The following NFAT5 variants were observed in gnomAD, a reference collection of about 807,000 sequenced individuals.
The protein encoded by NFAT5 is nuclear factor of activated T cells 5, also known as nuclear factor of activated T-cells 5.
In NFAT5, 31 loss-of-function variants were observed where a neutral mutation model predicts 166.5. That is an observed-to-expected ratio of 0.19 (90% CI 0.14 to 0.25). NFAT5 has a LOEUF of 0.25. Among genes scored for constraint, NFAT5 ranks in the 10% least tolerant of loss-of-function variants. The pLI is 1.00. For synonymous variants in NFAT5, 612 were observed against 639.7 expected (o/e 0.96, Z 0.65); for missense variants, 1,449 against 1,821.8 (o/e 0.80, Z 3.72).
intron 2 of NFAT5, among the ~76,000 whole-genome samples, chr16:69,585,300 C>T (rs71397982): frequency 2.0e-5 from 3 of 151,768 alleles, no homozygotes; most frequent in African/African-American, 4.9e-5. Flanking sequence ...TGAGCCACGG[C>T]GCCCAGCCCA....
intron 6 of NFAT5, among the ~76,000 whole-genome samples, chr16:69,656,607 C>T (rs1307284523): frequency 6.6e-6 from 1 of 152,038 alleles, no homozygotes. Context: ...CATCTGCCAC[C>T]ACACCCGGCT....
intron 2 of NFAT5, among the ~76,000 whole-genome samples, chr16:69,586,249 CTT>C (rs1039408486): frequency 2.5e-4 from 38 of 152,234 alleles, no homozygotes; most frequent in African/African-American, 9.1e-4. Context: ...GACCCAAAAT[CTT>C]TAGCTTTAGA....
intron 2 of NFAT5, among the ~76,000 whole-genome samples, chr16:69,612,110 A>G (rs1015399261): frequency 2.0e-5 from 3 of 152,346 alleles, no homozygotes; most frequent in Admixed American, 2.0e-4. Context: ...TAATATTAAA[A>G]TTAGAAGTTT....
At chr16:69,661,801 TG>T (rs2036157837) in intron 7 of NFAT5, among the ~76,000 whole-genome samples, 1 of 152,164 alleles carries the variant, frequency 6.6e-6, no homozygotes, top group Non-Finnish European at 1.5e-5. Flanking sequence ...ATAGTTACAG[TG>T]TGCCTAACTC....
intron 11 of NFAT5, among the ~76,000 whole-genome samples, chr16:69,686,952 C>T (rs1382992973): frequency 3.3e-5 from 5 of 152,026 alleles, no homozygotes; most frequent in Admixed American, 3.3e-4. Flanking sequence ...GCATTGACAC[C>T]AGCTTGATGT....
chr16:69,646,861 T>C, intron 3 of NFAT5, among the ~76,000 whole-genome samples, 167 bp from the exon 4 acceptor site: 1 of 152,252 alleles, frequency 6.6e-6, no homozygotes, highest in Non-Finnish European at 1.5e-5. Context: ...ATTCCATTTC[T>C]TAGGCCTTAT....
At chr16:69,618,901 A>G (rs750876523) in intron 2 of NFAT5, among the ~76,000 whole-genome samples, 1 of 152,198 alleles carries the variant, frequency 6.6e-6, no homozygotes, top group Non-Finnish European at 1.5e-5. Context: ...AGATTTTTAA[A>G]GCATTCCCAA....
chr16:69,641,036 T>C (rs575508381), intron 3 of NFAT5, among the ~76,000 whole-genome samples: 5 of 150,822 alleles, frequency 3.3e-5, no homozygotes, highest in Non-Finnish European at 7.4e-5. Flanking sequence ...TCCCAGCACT[T>C]TGAGAGGCCA....
chr16:69,644,470 G>A (rs745332790), intron 3 of NFAT5, among the ~76,000 whole-genome samples: 13 of 152,052 alleles, frequency 8.5e-5, no homozygotes, highest in Admixed American at 4.6e-4. Context: ...TCTTTAATAA[G>A]TATGCCCAGG....
rs2037659070 is a variant in NFAT5 at position 69,693,842 on chromosome 16, G to A, written c.4017G>A (p.Glu1339=). Reference sequence around the variant, plus strand: ...GTAACATGGCCCCAATGAATCAAGAGCAACAGCCCATGCAATTTCAGAGTC... The same window carrying A: ...GTAACATGGCCCCAATGAATCAAGAACAACAGCCCATGCAATTTCAGAGTC... ...QQSNMAPMNQ[E]QQPMQFQSQS... is the part of the protein sequence containing the mutation. The change falls in exon 13 of 15, where the codon GAG becomes GAA. Residue 1339 remains glutamate, a synonymous_variant. Coordinates refer to ENST00000349945, the MANE Select transcript of NFAT5 (RefSeq NM_138713.4). The A allele has an allele frequency of 1.2e-6, 2 of 1,614,044 alleles. No homozygotes were observed. Among genetic ancestry groups the A allele is most frequent in the South Asian group, 1.1e-5 (1 of 91,092 alleles).
intron 11 of NFAT5, 141 bp from the exon 12 acceptor site, chr16:69,690,799 A>G (rs1381926799): frequency 1.7e-6 from 1 of 582,422 alleles, no homozygotes. Flanking sequence ...ATATCTTAAT[A>G]TACCAGGTTT....
rs774947252 is a variant in NFAT5, at chr16:69,677,341, T to C, written c.1690+6T>C. The C allele has an allele frequency of 6.4e-7, 1 of 1,555,306 alleles. No homozygotes were observed. On this transcript the variant is annotated splice_donor_region_variant and intron_variant, in intron 10 of 14. Transcript: ENST00000349945. Reference sequence around the variant, plus strand: ...CACTTACACTCCAGACCCAGGTATGTCAAAATGAAAAATTCAGAACTAAAA... The same window carrying C: ...CACTTACACTCCAGACCCAGGTATGCCAAAATGAAAAATTCAGAACTAAAA...
chr16:69,575,847 G>A (rs1367327423), intron 2 of NFAT5, among the ~76,000 whole-genome samples: 1 of 151,996 alleles, frequency 6.6e-6, no homozygotes, highest in African/African-American at 2.4e-5. Context: ...AAAATCCTGC[G>A]ATGTAGTACC....
chr16:69,697,179 T>C lies in NFAT5; in HGVS notation c.*828T>C, dbSNP rs2037790181. 1 of 152,646 alleles carries C rather than the reference T, an allele frequency of 6.6e-6. No homozygotes were observed. Among genetic ancestry groups the C allele is most frequent in the Admixed American group, 6.5e-5 (1 of 15,276 alleles). The allele number at this position is 152,646 out of a possible 1,614,324, so 9.5% of individuals were successfully genotyped here. A position where few individuals can be genotyped will look rare whatever the true frequency, so the allele number is the denominator to read the frequency against. On this transcript the variant is annotated 3_prime_UTR_variant, in exon 15 of 15. Coordinates refer to ENST00000349945, the MANE Select transcript of NFAT5 (RefSeq NM_138713.4). Reference sequence around the variant, plus strand: ...GAATGTTTTCTTCTTAACCCAGTCTTAGGCTGGTATTCCCTTTTTATATAT... The same window carrying C: ...GAATGTTTTCTTCTTAACCCAGTCTCAGGCTGGTATTCCCTTTTTATATAT...
At chr16:69,668,327 C>A (rs1009267364) in intron 7 of NFAT5, among the ~76,000 whole-genome samples, 8 of 152,086 alleles carry the variant, frequency 5.3e-5, no homozygotes, top group African/African-American at 1.9e-4. Context: ...TATTAAACTC[C>A]CCAGCATTGT....
Position 69,693,531 on chromosome 16 carries a change from C to T in NFAT5, c.3706C>T (p.Leu1236Phe), listed in dbSNP as rs1567616018. ...LFQPQVALGS[L>F]PPNPMPQSQQ... ...TCAGCCTCAGGTGGCCCTGGGCTCC[C>T]TTCCACCTAATCCAATGCCTCAAAG... The change falls in exon 13 of 15, where the codon CTT becomes TTT. Residue 1236 changes from leucine (L) to phenylalanine (F), a missense_variant. Leu to Phe is a conservative substitution (Grantham distance 22). Around this residue, in one of 7 missense-constraint regions of NFAT5, gnomAD observed 891 missense variants for 993.0 expected, o/e 0.90. Coordinates refer to ENST00000349945, the MANE Select transcript of NFAT5 (RefSeq NM_138713.4). 3 of 1,614,164 alleles carry T rather than the reference C, an allele frequency of 1.9e-6. No individual in the cohort carries two copies. Among genetic ancestry groups the T allele is most frequent in the Non-Finnish European group, 1.7e-6 (2 of 1,180,036 alleles).
intron 2 of NFAT5, among the ~76,000 whole-genome samples, chr16:69,606,170 T>C (rs2033397312): frequency 6.6e-6 from 1 of 152,206 alleles, no homozygotes; most frequent in Non-Finnish European, 1.5e-5. Context: ...CACTCACTGT[T>C]CTCGTCTTTA....
intron 2 of NFAT5, among the ~76,000 whole-genome samples, chr16:69,614,273 G>C (rs943938514): frequency 2.0e-5 from 3 of 151,566 alleles, no homozygotes; most frequent in Non-Finnish European, 4.4e-5. Context: ...CTTCAGCTCT[G>C]CCTCCCAAAA....
At chr16:69,642,172 G>T in intron 3 of NFAT5, among the ~76,000 whole-genome samples, 1 of 152,022 alleles carries the variant, frequency 6.6e-6, no homozygotes, top group African/African-American at 2.4e-5. Context: ...GCAGATTCTG[G>T]GATATTCATA....
Sources: gnomAD v4.1 joint callset for allele counts (sites outside exome capture counted in the v4.1 genomes callset) on GRCh38, gnomAD v4.1.1 for gene constraint, gnomAD v4.1.1 regional missense constraint, MANE v1.5 for transcripts, NCBI Gene and HGNC (gene_info 2026-07-23, HGNC 2026-07-21) for gene names.